The following SLIT1 variants were observed in gnomAD, a reference collection of about 807,000 sequenced individuals.
The protein encoded by SLIT1 is slit homolog 1 protein.
Under a neutral mutation model 186.1 loss-of-function variants are expected in SLIT1, and 66 were observed. The observed-to-expected ratio is 0.35, with a 90% CI of 0.29 to 0.44. SLIT1 has a LOEUF of 0.44. SLIT1 is among the 20% of genes least tolerant of loss of function. The pLI is 1.00. For synonymous variants in SLIT1, 761 were observed against 833.8 expected, an observed-to-expected ratio of 0.91 and a Z score of 1.50; for missense variants, 1,638 against 2,037.4, an observed-to-expected ratio of 0.80 and a Z score of 3.77.
chr10:97,060,784 T>C lies in SLIT1; in HGVS notation c.797A>G (p.Gln266Arg), dbSNP rs144794751. The C allele has an allele frequency of 3.1e-6, 5 of 1,595,950 alleles. No individual in the cohort carries two copies. In the East Asian group the frequency reaches 1.1e-4, roughly 36 times the overall value. ...VQKSEFSCSGQGEAGRVPTCT... is the reference protein window; with the variant it reads ...VQKSEFSCSGRGEAGRVPTCT... ...GGTGGGCACGCGCCCCGCTTCTCCCTGGCCTGCAGAAACAGGGGGGTGTGG... is the reference window on the plus strand; with the variant it reads ...GGTGGGCACGCGCCCCGCTTCTCCCCGGCCTGCAGAAACAGGGGGGTGTGG... The change falls in exon 9 of 37, where the codon CAG becomes CGG. Residue 266 changes from glutamine (Q) to arginine (R), a missense_variant. By Grantham distance (43) the Gln-to-Arg change is conservative. Transcript: ENST00000266058.
chr10:97,119,488 A>G (rs1449581646), intron 4 of SLIT1, among the ~76,000 whole-genome samples: 1 of 152,204 alleles, frequency 6.6e-6, no homozygotes, highest in African/African-American at 2.4e-5. Context: ...ATCTGGAAAC[A>G]TGAATTCACA....
intron 1 of SLIT1, among the ~76,000 whole-genome samples, chr10:97,177,028 G>A (rs1001811668): frequency 1.3e-5 from 2 of 152,216 alleles, no homozygotes; most frequent in South Asian, 2.1e-4. Flanking sequence ...CCAAATCACC[G>A]GAATCGCCTT....
chr10:97,049,468 G>C (rs1384126931), intron 13 of SLIT1, among the ~76,000 whole-genome samples: 1 of 152,236 alleles, frequency 6.6e-6, no homozygotes, highest in Non-Finnish European at 1.5e-5. Flanking sequence ...AGGACCCAGA[G>C]GCTGGCCAGA....
chr10:97,003,254 G>A (rs112128837), intron 34 of SLIT1, among the ~76,000 whole-genome samples: 3,643 of 152,342 alleles, frequency 0.024, 142 homozygotes, highest in African/African-American at 0.081. Context: ...TGGCTCTGAG[G>A]TGCCTGTTCC....
At chr10:97,067,002 A>G (rs1359184905) in intron 4 of SLIT1, among the ~76,000 whole-genome samples, 1 of 152,178 alleles carries the variant, frequency 6.6e-6, no homozygotes, top group East Asian at 1.9e-4. Context: ...ATGCTGAGCA[A>G]GCTGACTCAG....
chr10:97,058,967 G>C (rs756317470), intron 11 of SLIT1, among the ~76,000 whole-genome samples: 1 of 152,168 alleles, frequency 6.6e-6, no homozygotes, highest in East Asian at 1.9e-4. Flanking sequence ...AAGGAGGAGC[G>C]GGCAAACACT....
chr10:97,087,418 CCATCCCTG>C (rs1421084253), intron 4 of SLIT1, among the ~76,000 whole-genome samples: 1 of 152,240 alleles, frequency 6.6e-6, no homozygotes, highest in Non-Finnish European at 1.5e-5. Flanking sequence ...TCCCCCGTCT[CCATCCCTG>C]CATTTGTCAC....
At chr10:97,017,051 G>A (rs1848460029) in intron 28 of SLIT1, among the ~76,000 whole-genome samples, 1 of 152,194 alleles carries the variant, frequency 6.6e-6, no homozygotes, top group South Asian at 2.1e-4. Flanking sequence ...GTAACTCGTG[G>A]AGGCACCCCC....
chr10:97,014,581 G>A (rs775552243), intron 28 of SLIT1, among the ~76,000 whole-genome samples: 4 of 152,076 alleles, frequency 2.6e-5, no homozygotes, highest in Non-Finnish European at 5.9e-5. Flanking sequence ...TAAAAGCCTG[G>A]AGTGGCCAGG....
chr10:97,158,651 A>AGTT (rs1849984490), intron 3 of SLIT1, among the ~76,000 whole-genome samples: 1 of 122,506 alleles, frequency 8.2e-6, no homozygotes, highest in Non-Finnish European at 1.7e-5. Context: ...GACAGAGCGA[A>AGTT]ACTCTGTCTC....
chr10:97,060,845 C>T, intron 8 of SLIT1, 58 bp from the exon 9 acceptor site: 1 of 1,499,904 alleles, frequency 6.7e-7, no homozygotes, highest in Non-Finnish European at 8.9e-7. Flanking sequence ...TCCCTTGAGC[C>T]CAGATACCGA....
intron 4 of SLIT1, among the ~76,000 whole-genome samples, chr10:97,119,918 T>TATATATATATATATATATATAG: frequency 1.2e-5 from 1 of 86,548 alleles, no homozygotes; most frequent in Admixed American, 1.0e-4. Context: ...AAGGGGTATA[T>TATATATATATATATATATATAG]ATATATATAT....
intron 23 of SLIT1, among the ~76,000 whole-genome samples, chr10:97,032,720 C>G (rs1325882779): frequency 1.3e-5 from 2 of 150,846 alleles, no homozygotes; most frequent in African/African-American, 4.8e-5. Context: ...ATCACACTTG[C>G]AATAGCGTCA....
At chr10:97,163,548 G>A (rs923316693) in intron 2 of SLIT1, 97 bp from the exon 3 acceptor site, 91 of 974,484 alleles carry the variant, frequency 9.3e-5, no homozygotes, top group Non-Finnish European at 1.4e-4. Context: ...CCTCTGCCAG[G>A]GCAGCATTAG....
intron 4 of SLIT1, among the ~76,000 whole-genome samples, chr10:97,130,551 C>T (rs1589404804): frequency 6.6e-6 from 1 of 152,168 alleles, no homozygotes; most frequent in Non-Finnish European, 1.5e-5. Context: ...GTACCCAGCA[C>T]GGTCAAATTC....
intron 28 of SLIT1, among the ~76,000 whole-genome samples, chr10:97,017,151 G>T (rs1357803518): frequency 6.6e-6 from 1 of 152,226 alleles, no homozygotes; most frequent in Non-Finnish European, 1.5e-5. Context: ...CAGGGTGAAG[G>T]GGGTGTCCTT....
chr10:97,064,812 C>T lies in SLIT1; in HGVS notation c.550G>A (p.Glu184Lys), dbSNP rs1196574825. 3.7e-6 allele frequency: 6 copies of T among 1,610,646 alleles called. No homozygotes were observed. Among genetic ancestry groups the T allele is most frequent in the Non-Finnish European group, 5.1e-6 (6 of 1,178,364 alleles). Residue 184 changes from glutamate to lysine, a missense_variant, in exon 6 of 37, where the codon GAG becomes AAG. Transcript: ENST00000266058. ...TTTCCATGCTTTACTTACAGCACCT[C>T]CAGCCCCCGCAGAGCACGGAAGGCC... is the stretch of plus-strand genomic sequence containing the variant. ...EGAFRALRGLEVLTLNNNNIT... is the reference protein window; with the variant it reads ...EGAFRALRGLKVLTLNNNNIT...
chr10:97,085,081 A>C (rs1484951680), intron 4 of SLIT1, among the ~76,000 whole-genome samples: 1 of 151,072 alleles, frequency 6.6e-6, no homozygotes, highest in Non-Finnish European at 1.5e-5. Context: ...CTGCTACCAC[A>C]CCCGGCTAAT....
intron 1 of SLIT1, among the ~76,000 whole-genome samples, chr10:97,175,078 C>T (rs1850238683): frequency 6.6e-6 from 1 of 152,168 alleles, no homozygotes; most frequent in South Asian, 2.1e-4. Flanking sequence ...CTGGCAATTG[C>T]TCTTCTACCT....
Sources: gnomAD v4.1 joint callset for allele counts (sites outside exome capture counted in the v4.1 genomes callset) on GRCh38, gnomAD v4.1.1 for gene constraint, MANE v1.5 for transcripts, NCBI Gene and HGNC (gene_info 2026-07-23, HGNC 2026-07-21) for gene names.